The following ETV6 variants were observed in gnomAD, a reference collection of about 807,000 sequenced individuals.
ETV6 encodes the protein transcription factor ETV6.
ETV6 carries 16 observed loss-of-function variants against 51.1 expected under a neutral mutation model. The ratio of observed to expected loss-of-function variants is 0.31; its 90% confidence interval spans 0.21 to 0.48. ETV6 has a LOEUF of 0.48. ETV6 is among the 20% of genes least tolerant of loss of function. The pLI is 0.99. For synonymous variants in ETV6, 240 were observed against 224.1 expected (o/e 1.07, Z -0.64); for missense variants, 458 against 594.8 (o/e 0.77, Z 2.39).
chr12:11,738,494 A>G (rs1865751041), intron 1 of ETV6, among the ~76,000 whole-genome samples: 1 of 150,496 alleles, frequency 6.6e-6, no homozygotes, highest in Non-Finnish European at 1.5e-5. Context: ...TTTTTAATGG[A>G]GACGGTTTTG....
chr12:11,773,902 G>A (rs1177342874), intron 2 of ETV6, among the ~76,000 whole-genome samples: 1 of 152,246 alleles, frequency 6.6e-6, no homozygotes, highest in Non-Finnish European at 1.5e-5. Context: ...TGAACATTGG[G>A]GAAATGCAGT....
intron 5 of ETV6, among the ~76,000 whole-genome samples, chr12:11,875,245 A>G (rs1946965065): frequency 6.6e-6 from 1 of 152,166 alleles, no homozygotes; most frequent in African/African-American, 2.4e-5. Context: ...TGTTATTAAG[A>G]ATTTACCAGG....
intron 3 of ETV6, among the ~76,000 whole-genome samples, chr12:11,842,296 A>G (rs149511085): frequency 1.2e-4 from 18 of 152,022 alleles, no homozygotes; most frequent in African/African-American, 4.3e-4. Flanking sequence ...TACTTCCCTA[A>G]TTCCATTCCA....
chr12:11,866,671 T>C (rs986407448), intron 4 of ETV6, among the ~76,000 whole-genome samples: 1 of 152,338 alleles, frequency 6.6e-6, no homozygotes, highest in South Asian at 2.1e-4. Flanking sequence ...CTGAAGTGTT[T>C]ACAGAGCCTT....
chr12:11,855,139 C>CAA (rs34202702), intron 4 of ETV6, among the ~76,000 whole-genome samples: 1,773 of 138,010 alleles, frequency 0.013, 40 homozygotes, highest in African/African-American at 0.041. Flanking sequence ...ACTAAAAATA[C>CAA]AAAAAAAAAA....
chr12:11,891,043 C>T lies in ETV6; in HGVS notation c.1356C>T (p.Cys452=). 6.2e-7 allele frequency: 1 copy of T among 1,611,784 alleles called. No individual in the cohort carries two copies. The highest frequency in any genetic ancestry group is 8.5e-7 in the Non-Finnish European group (1 of 1,178,026). The change falls in exon 8 of 8, where the codon TGC becomes TGT. Residue 452 remains cysteine, a synonymous_variant. Coordinates refer to ENST00000396373, the MANE Select transcript of ETV6 (RefSeq NM_001987.5). ...LDEQIYQEDE[C] ...AACAAATATACCAAGAAGATGAATG[C>T]TGAAGGAACCAACAGTCCACCTCAG... is the stretch of plus-strand genomic sequence containing the variant.
chr12:11,886,947 T>C (rs1424002412), intron 7 of ETV6, among the ~76,000 whole-genome samples: 1 of 152,176 alleles, frequency 6.6e-6, no homozygotes. Flanking sequence ...GAGATGTAGA[T>C]TGTGAATTAT....
At chr12:11,783,455 G>A (rs1945439351) in intron 2 of ETV6, among the ~76,000 whole-genome samples, 1 of 152,172 alleles carries the variant, frequency 6.6e-6, no homozygotes, top group South Asian at 2.1e-4. Flanking sequence ...GTGGAAGAAA[G>A]TGATTATAGA....
At chr12:11,874,640 GTATATA>G (rs1565562736) in intron 5 of ETV6, among the ~76,000 whole-genome samples, 694 of 5,674 alleles carry the variant, frequency 0.12, 44 homozygotes, top group East Asian at 0.71. Context: ...ATGTGTGTGT[GTATATA>G]CACATATGTG....
intron 2 of ETV6, among the ~76,000 whole-genome samples, chr12:11,755,963 G>T (rs1206964655): frequency 6.6e-6 from 1 of 152,006 alleles, no homozygotes; most frequent in Non-Finnish European, 1.5e-5. Context: ...CTTGTGGATG[G>T]GGGTAAAGAG....
At position 11,868,888 on chromosome 12, in the gene ETV6, C is replaced by T. The variant is rs545940298; in HGVS notation, c.464-536C>T. Reference sequence around the variant, plus strand: ...CTACAGGCCACAGGTAGGTCATTAACGGAATGCTTGTAGACATCCTTAGGT... The same window carrying T: ...CTACAGGCCACAGGTAGGTCATTAATGGAATGCTTGTAGACATCCTTAGGT... On this transcript the variant is annotated intron_variant, in intron 4 of 7. Coordinates refer to ENST00000396373, the MANE Select transcript of ETV6 (RefSeq NM_001987.5). Among the ~76,000 whole-genome samples the T allele has an allele frequency of 3.2e-4, 49 of 152,120 alleles. 1 individual carries two copies. Among genetic ancestry groups the T allele is most frequent in the Non-Finnish European group, 4.9e-4 (33 of 68,010 alleles).
chr12:11,663,773 A>G (rs11054408), intron 1 of ETV6, among the ~76,000 whole-genome samples: 4,374 of 141,582 alleles, frequency 0.031, 71 homozygotes, highest in Middle Eastern at 0.049. Flanking sequence ...GTGTGTGTGT[A>G]TGTGTGTGTG....
intron 5 of ETV6, among the ~76,000 whole-genome samples, chr12:11,875,287 T>C (rs1416597798): frequency 6.6e-6 from 1 of 152,216 alleles, no homozygotes; most frequent in African/African-American, 2.4e-5. Context: ...GGAGAGAGTT[T>C]AGCACAAGAC....
chr12:11,856,709 T>C (rs1179168343), intron 4 of ETV6, among the ~76,000 whole-genome samples: 19 of 152,102 alleles, frequency 1.2e-4, no homozygotes, highest in Admixed American at 1.2e-3. Context: ...AAGAAAAAAA[T>C]CCAGCTCAAC....
chr12:11,878,093 C>G (rs1194570832), intron 5 of ETV6, among the ~76,000 whole-genome samples: 1 of 152,122 alleles, frequency 6.6e-6, no homozygotes, highest in East Asian at 1.9e-4. Flanking sequence ...TCCTGCTTCC[C>G]CTCCCTGAAG....
At chr12:11,763,431 TG>T (rs1370533302) in intron 2 of ETV6, among the ~76,000 whole-genome samples, 1 of 152,202 alleles carries the variant, frequency 6.6e-6, no homozygotes, top group Admixed American at 6.5e-5. Flanking sequence ...TTGAGACTCA[TG>T]GGTTATAAAT....
chr12:11,827,275 AGCCTTTCGGT>A lies in ETV6; in HGVS notation c.164-11863_164-11854del, dbSNP rs1361047180. On this transcript the variant is annotated intron_variant, in intron 2 of 7. Transcript: ENST00000396373. ...ATGCTGAATCAGCAGCAGCCCAGAC[AGCCTTTCGGT>A]GGAGGGTAGATTCGACACCCAAAGG... is the stretch of plus-strand genomic sequence containing the variant. Among the ~76,000 whole-genome samples the A allele has an allele frequency of 2.0e-5, 3 of 152,140 alleles. No individual in the cohort carries two copies. In the East Asian group the frequency reaches 5.8e-4, roughly 29 times the overall value.
chr12:11,664,373 A>C (rs1864157114), intron 1 of ETV6, among the ~76,000 whole-genome samples: 1 of 151,652 alleles, frequency 6.6e-6, no homozygotes. Context: ...CTGCCAAGAG[A>C]TGTTGATGAG....
In ETV6 at chr12:11,650,146, C is replaced by A. The variant is rs1376185672; in HGVS notation, c.19C>A (p.Gln7Lys). 1 of 1,613,686 alleles carries A rather than the reference C, an allele frequency of 6.2e-7. No homozygotes were observed. The highest frequency in any genetic ancestry group is 8.5e-7 in the Non-Finnish European group (1 of 1,179,716). ...GTGAGACATGTCTGAGACTCCTGCT[C>A]AGTGTAGCATTAAGGTAAAAATCTT... MSETPA[Q>K]CSIKQERISY... The change falls in exon 1 of 8, where the codon CAG (glutamine) becomes AAG (lysine). Residue 7 changes from glutamine (Q) to lysine (K), a missense_variant. By Grantham distance (53) the Gln-to-Lys change is moderately conservative. This residue lies in a region of ETV6 where 84 missense variants were observed against 75.9 expected (regional missense o/e 1.11). Transcript: ENST00000396373.
Sources: allele counts gnomAD v4.1 joint callset (sites outside exome capture counted in the v4.1 genomes callset), GRCh38; gene constraint gnomAD v4.1.1; regional missense constraint gnomAD v4.1.1; transcripts MANE v1.5; gene names NCBI Gene and HGNC (gene_info 2026-07-23, HGNC 2026-07-21).